The following ZNF717 variants were observed in gnomAD, a reference collection of about 807,000 sequenced individuals.
ZNF717 encodes zinc finger protein 717.
A neutral mutation model predicts 13.8 loss-of-function variants in ZNF717; 9 were observed. The observed-to-expected ratio is 0.65, with a 90% CI of 0.39 to 1.14. The LOEUF (loss-of-function observed/expected upper bound fraction) is 1.14. Ranked by LOEUF, ZNF717 falls within the 50% of genes most tolerant of loss-of-function variation. ZNF717 has a pLI of 0.01. For missense variants in ZNF717, 1,040 were observed against 1,080.7 expected (o/e 0.96, Z 0.53); for synonymous variants, 327 against 364.1 (o/e 0.90, Z 1.16).
rs1559707010 is a variant in ZNF717, at chr3:75,785,438, TG to T, written c.-58del. 1 of 152,910 alleles carries T rather than the reference TG, an allele frequency of 6.5e-6. No homozygotes were observed. The highest frequency in any genetic ancestry group is 1.5e-5 in the Non-Finnish European group (1 of 68,508). The allele number at this position is 152,910 out of a possible 1,614,324, so 9.5% of individuals were successfully genotyped here. A position where few individuals can be genotyped will look rare whatever the true frequency, so the allele number is the denominator to read the frequency against. ...GCGCCCACGCGTCTGCTCCCACAAC[TG>T]GGGAACACTGGTCCGGCCCCCCGGG... On this transcript the variant is annotated 5_prime_UTR_variant, in exon 1 of 5. An upstream open reading frame in the 5' UTR gains an earlier in-frame stop. Coordinates refer to ENST00000652011, the MANE Select transcript of ZNF717 (RefSeq NM_001290208.3).
chr3:75,697,822 GA>G (rs1937620593), intron 6 of ZNF717, among the ~76,000 whole-genome samples: 1 of 152,302 alleles, frequency 6.6e-6, no homozygotes. Context: ...GTAGGATTCA[GA>G]AGAAGACAGA....
At chr3:75,778,540 A>G (rs886606907) in intron 2 of ZNF717, among the ~76,000 whole-genome samples, 1 of 151,740 alleles carries the variant, frequency 6.6e-6, no homozygotes, top group African/African-American at 2.4e-5. Flanking sequence ...CCAGAAACCC[A>G]AAACAGTGGG....
intron 2 of ZNF717, among the ~76,000 whole-genome samples, chr3:75,756,969 C>T (rs1272493615): frequency 1.2e-4 from 18 of 152,212 alleles, no homozygotes; most frequent in Non-Finnish European, 2.4e-4. Context: ...ACAGCCACAG[C>T]GCCCGGCCTC....
downstream of ZNF717, among the ~76,000 whole-genome samples, chr3:75,708,224 C>T (rs1489620223): frequency 6.6e-6 from 1 of 152,284 alleles, no homozygotes; most frequent in African/African-American, 2.4e-5. Flanking sequence ...TGACACCTCA[C>T]ACGGCTGGGT....
intron 2 of ZNF717, among the ~76,000 whole-genome samples, chr3:75,745,098 A>G (rs1376270975): frequency 6.6e-6 from 1 of 150,934 alleles, no homozygotes; most frequent in East Asian, 1.9e-4. Flanking sequence ...AGAATTCCAG[A>G]ACACTGCTAC....
intron 6 of ZNF717, among the ~76,000 whole-genome samples, chr3:75,702,961 A>T (rs1268671826): frequency 6.6e-6 from 1 of 152,312 alleles, no homozygotes; most frequent in East Asian, 1.9e-4. Flanking sequence ...ATCCTAAGCC[A>T]TAGCTCTCAG....
intron 4 of ZNF717, among the ~76,000 whole-genome samples, chr3:75,720,518 G>A (rs1426183279): frequency 1.8e-3 from 273 of 152,266 alleles, no homozygotes; most frequent in African/African-American, 5.9e-3. Flanking sequence ...GACCTGAGAA[G>A]CTTCCTATTA....
chr3:75,700,389 TCGAAA>T (rs1937667722), intron 6 of ZNF717, among the ~76,000 whole-genome samples: 2 of 37,202 alleles, frequency 5.4e-5, no homozygotes, highest in Admixed American at 4.5e-4. Context: ...TGAGACACCA[TCGAAA>T]AAAAAAAAAA....
intron 4 of ZNF717, among the ~76,000 whole-genome samples, chr3:75,720,311 A>G (rs1938143550): frequency 6.6e-6 from 1 of 152,212 alleles, no homozygotes; most frequent in African/African-American, 2.4e-5. Context: ...AGCCATAAAA[A>G]AGAATGAAAT....
intron 2 of ZNF717, among the ~76,000 whole-genome samples, chr3:75,744,719 C>CT (rs112902540): frequency 0.022 from 3,390 of 152,214 alleles, 66 homozygotes; most frequent in African/African-American, 0.076. Flanking sequence ...TGACAAACAC[C>CT]TGACAAAACT....
intron 1 of ZNF717, 66 bp from the exon 2 acceptor site, chr3:75,783,430 T>G: frequency 7.8e-7 from 1 of 1,281,902 alleles, no homozygotes; most frequent in Non-Finnish European, 1.1e-6. Flanking sequence ...CAGATTCTTC[T>G]GCCCAACACT....
chr3:75,746,586 A>G (rs1311581839), intron 2 of ZNF717, among the ~76,000 whole-genome samples: 13 of 152,260 alleles, frequency 8.5e-5, no homozygotes, highest in African/African-American at 3.1e-4. Flanking sequence ...AACTAGTGTG[A>G]GATGATATCT....
downstream of ZNF717, among the ~76,000 whole-genome samples, chr3:75,727,280 T>C (rs1206288693): frequency 4.6e-5 from 7 of 152,222 alleles, no homozygotes; most frequent in Non-Finnish European, 1.0e-4. Flanking sequence ...CATGGGTGTT[T>C]GAACAATATG....
At chr3:75,697,958 G>A (rs1312007683) in intron 6 of ZNF717, among the ~76,000 whole-genome samples, 2 of 152,294 alleles carry the variant, frequency 1.3e-5, no homozygotes, top group Non-Finnish European at 2.9e-5. Context: ...AAACTAATTA[G>A]GACCAAAACA....
chr3:75,780,191 T>C (rs1043871490), intron 2 of ZNF717, among the ~76,000 whole-genome samples: 4 of 148,648 alleles, frequency 2.7e-5, no homozygotes, highest in Non-Finnish European at 5.9e-5. Context: ...CCCAAAACAA[T>C]GGGAGTGACG....
At chr3:75,769,748 A>C (rs1424182972) in intron 2 of ZNF717, among the ~76,000 whole-genome samples, 1 of 152,232 alleles carries the variant, frequency 6.6e-6, no homozygotes, top group African/African-American at 2.4e-5. Flanking sequence ...CCAAGAAATC[A>C]ACTAGTTTTA....
At chr3:75,763,864 G>A (rs1482203903) in intron 2 of ZNF717, among the ~76,000 whole-genome samples, 2 of 152,210 alleles carry the variant, frequency 1.3e-5, no homozygotes, top group African/African-American at 2.4e-5. Context: ...ATTTGAAGAG[G>A]ATTTATTGAT....
intron 2 of ZNF717, among the ~76,000 whole-genome samples, chr3:75,767,827 T>G (rs2107617993): frequency 6.6e-6 from 1 of 150,630 alleles, no homozygotes; most frequent in South Asian, 2.1e-4. Flanking sequence ...TCAGACAGAA[T>G]TTAGAGAAAA....
intron 4 of ZNF717, among the ~76,000 whole-genome samples, chr3:75,719,058 C>G (rs1362276054): frequency 6.6e-6 from 1 of 152,078 alleles, no homozygotes; most frequent in Non-Finnish European, 1.5e-5. Context: ...CATTGGGAAG[C>G]TGAGGCAGGA....
Sources: gnomAD v4.1 joint callset for allele counts (sites outside exome capture counted in the v4.1 genomes callset) on GRCh38, gnomAD v4.1.1 for gene constraint, MANE v1.5 for transcripts, NCBI Gene and HGNC (gene_info 2026-07-23, HGNC 2026-07-21) for gene names.